Variants in TENM1 observed in about 807,000 individuals in gnomAD.
TENM1 encodes the protein teneurin-1.
In TENM1, 35 loss-of-function variants were observed where a neutral mutation model predicts 174.8. That is an observed-to-expected ratio of 0.20 (90% confidence interval 0.15 to 0.27). The LOEUF is 0.27. TENM1 is among the 10% of genes least tolerant of loss of function. TENM1 has a pLI of 1.00. For missense variants in TENM1, 1,633 were observed against 2,130.1 expected (o/e 0.77, Z 4.59); for synonymous variants, 781 against 798.7 (o/e 0.98, Z 0.37).
intron 11 of TENM1, among the ~76,000 whole-genome samples, chrX:124,635,141 T>C (rs1009804201): frequency 3.6e-5 from 4 of 111,721 alleles, no homozygotes; most frequent in Non-Finnish European, 7.5e-5. Flanking sequence ...ATATACAGTA[T>C]TAAGAATCAT....
chrX:125,142,976 T>C, the TENM1 span, among the ~76,000 whole-genome samples: 1 of 111,817 alleles, frequency 8.9e-6, no homozygotes, highest in African/African-American at 3.2e-5. Flanking sequence ...TAAAAGAATA[T>C]GAACAATAAA....
intron 16 of TENM1, among the ~76,000 whole-genome samples, chrX:124,528,936 A>C (rs965040970): frequency 3.1e-4 from 35 of 111,709 alleles, no homozygotes; most frequent in African/African-American, 1.0e-3. Flanking sequence ...AATCCGGCAC[A>C]GCCCAAGTTG....
chrX:124,801,470 T>C (rs891957536), intron 3 of TENM1, among the ~76,000 whole-genome samples: 7 of 111,978 alleles, frequency 6.3e-5, no homozygotes, highest in Non-Finnish European at 1.9e-5. Context: ...ATTTTGAGTC[T>C]ATGTGTGTCT....
chrX:124,500,722 C>T (rs2047310411), intron 19 of TENM1, among the ~76,000 whole-genome samples: 1 of 111,902 alleles, frequency 8.9e-6, no homozygotes, highest in South Asian at 3.7e-4. Flanking sequence ...CCAGTCATAC[C>T]CTCTTGCTAC....
intron 6 of TENM1, among the ~76,000 whole-genome samples, chrX:124,670,998 T>TA (rs1294817501): frequency 9.0e-6 from 1 of 111,598 alleles, no homozygotes; most frequent in African/African-American, 3.3e-5. Context: ...TACTGAATCC[T>TA]ATTTCAATAA....
At chrX:124,476,392 C>G (rs938736797) in intron 22 of TENM1, among the ~76,000 whole-genome samples, 1 of 111,798 alleles carries the variant, frequency 8.9e-6, no homozygotes, top group Non-Finnish European at 1.9e-5. Context: ...AGATGAATCC[C>G]GTAAGGTTAG....
the TENM1 span, among the ~76,000 whole-genome samples, chrX:125,131,224 G>T: frequency 8.9e-6 from 1 of 111,774 alleles, no homozygotes; most frequent in African/African-American, 3.2e-5. Flanking sequence ...ATAGGCTCTG[G>T]TTTAATATTT....
At position 124,565,538 on chromosome X, in the gene TENM1, A is replaced by G. The variant is rs781208339; in HGVS notation, c.2100T>C (p.Gly700=). Reference sequence around the variant, plus strand: ...TTCCTCTTGAGCAGACTCCATGGCTACCACACTCCATGGTACACAGCTCTG... The same window carrying G: ...TTCCTCTTGAGCAGACTCCATGGCTGCCACACTCCATGGTACACAGCTCTG... The change falls in exon 12 of 32, where the codon GGT becomes GGC. Residue 700 remains glycine, a synonymous_variant. Coordinates refer to ENST00000422452, the Ensembl canonical transcript of TENM1. 35 of 1,205,286 alleles carry G rather than the reference A, an allele frequency of 2.9e-5. No individual in the cohort carries two copies. The Middle Eastern group carries it at 6.9e-4, about 24-fold the overall frequency.
chrX:125,044,202 TA>T, the TENM1 span, among the ~76,000 whole-genome samples: 258 of 55,821 alleles, frequency 4.6e-3, 2 homozygotes, highest in East Asian at 0.043. Context: ...AGATTAAAAA[TA>T]AAAAAAAATA....
intron 16 of TENM1, 44 bp from the exon 20 acceptor site, chrX:124,523,669 T>C (rs1290080384): frequency 8.6e-7 from 1 of 1,166,493 alleles, no homozygotes; most frequent in African/African-American, 1.8e-5. Flanking sequence ...AATGAAAAAT[T>C]AAAAAATTAC....
the TENM1 span, among the ~76,000 whole-genome samples, chrX:125,020,475 A>C: frequency 2.7e-5 from 3 of 109,867 alleles, no homozygotes; most frequent in African/African-American, 9.9e-5. Flanking sequence ...AACTTTCCCA[A>C]AGTTTTTTTC....
At chrX:124,769,287 A>G (rs1018051180) in intron 3 of TENM1, among the ~76,000 whole-genome samples, 60 of 111,423 alleles carry the variant, frequency 5.4e-4, no homozygotes, top group Admixed American at 1.6e-3. Flanking sequence ...TTTAATGTTT[A>G]TGTTTTGTGA....
chrX:125,146,179 TA>T, the TENM1 span, among the ~76,000 whole-genome samples: 2 of 111,459 alleles, frequency 1.8e-5, no homozygotes, highest in African/African-American at 6.5e-5. Flanking sequence ...ATCAATACAC[TA>T]ATATGTTATC....
At chrX:124,883,756 C>T (rs113471276) in intron 3 of TENM1, among the ~76,000 whole-genome samples, 1,297 of 111,635 alleles carry the variant, frequency 0.012, 21 homozygotes, top group African/African-American at 0.04. Context: ...TGCATGCTGA[C>T]GGGTACAAGC....
chrX:125,015,554 T>C, the TENM1 span, among the ~76,000 whole-genome samples: 2 of 111,805 alleles, frequency 1.8e-5, no homozygotes, highest in Non-Finnish European at 3.8e-5. Flanking sequence ...ACTGATCTGC[T>C]TTTGGAAGAA....
At chrX:124,820,327 C>T (rs1193872970) in intron 3 of TENM1, among the ~76,000 whole-genome samples, 2 of 111,201 alleles carry the variant, frequency 1.8e-5, no homozygotes, top group East Asian at 2.8e-4. Flanking sequence ...TCCTCCCAGC[C>T]GCCCCCCCAC....
intron 27 of TENM1, among the ~76,000 whole-genome samples, 182 bp from the exon 31 acceptor site, chrX:124,392,530 C>T (rs1220585536): frequency 8.9e-6 from 1 of 111,853 alleles, no homozygotes; most frequent in East Asian, 2.8e-4. Flanking sequence ...TGTACACTCT[C>T]AGAGAGCAGG....
At position 124,733,592 on chromosome X, in the gene TENM1, T is replaced by C. The variant is rs2053609225; in HGVS notation, c.776+3365A>G. ...TCCTGGATACCCACAGTTACCTTTA[T>C]TGACTACATGAGAAATGAACATTTT... is the stretch of plus-strand genomic sequence containing the variant. On this transcript the variant is annotated intron_variant, in intron 4 of 31. Coordinates refer to ENST00000422452, the Ensembl canonical transcript of TENM1. Among the ~76,000 whole-genome samples, 3 of 112,278 alleles carry C rather than the reference T, an allele frequency of 2.7e-5. No homozygotes were observed. The South Asian group carries it at 1.1e-3, about 41-fold the overall frequency.
At chrX:124,768,455 C>T (rs978619619) in intron 3 of TENM1, among the ~76,000 whole-genome samples, 13 of 111,871 alleles carry the variant, frequency 1.2e-4, no homozygotes, top group African/African-American at 3.6e-4. Flanking sequence ...GAGTGGTCAA[C>T]ACCATGTTGG....
Sources: gnomAD v4.1 joint callset for allele counts (sites outside exome capture counted in the v4.1 genomes callset) on GRCh38, gnomAD v4.1.1 for gene constraint, MANE v1.5 for transcripts, NCBI Gene and HGNC (gene_info 2026-07-23, HGNC 2026-07-21) for gene names.